The following SAP30L variants were observed in gnomAD, a reference collection of about 807,000 sequenced individuals.
SAP30L encodes the protein SAP30 like.
In SAP30L, 10 loss-of-function variants were observed where a neutral mutation model predicts 22.3. The observed-to-expected ratio is 0.45, with a 90% CI of 0.28 to 0.76. The LOEUF (loss-of-function observed/expected upper bound fraction) is 0.76. Ranked by LOEUF, SAP30L falls within the 30% of genes least tolerant of loss-of-function variation. The pLI is 0.14. For missense variants in SAP30L, 206 were observed against 237.9 expected, an observed-to-expected ratio of 0.87 and a Z score of 0.88; for synonymous variants, 91 against 94.1, an observed-to-expected ratio of 0.97 and a Z score of 0.19.
At chr5:154,453,044 T>C (rs936315639) in intron 2 of SAP30L, 3 of 194,374 alleles carry the variant, frequency 1.5e-5, no homozygotes, top group East Asian at 1.3e-4. Flanking sequence ...TTTAAATTCA[T>C]CACAGTTGCC....
In SAP30L at chr5:154,459,887, G is replaced by T. The variant is rs545148250; in HGVS notation, c.*3859G>T. ...AGAAAACAACGCTTCAGGACTTAAGGTCTAAGCGTCAGAGAAGTGCCGTAT... is the reference window on the plus strand; with the variant it reads ...AGAAAACAACGCTTCAGGACTTAAGTTCTAAGCGTCAGAGAAGTGCCGTAT... On this transcript the variant is annotated 3_prime_UTR_variant, in exon 4 of 4. Transcript: ENST00000297109. The T allele has an allele frequency of 1.3e-5, 2 of 152,308 alleles. No individual in the cohort carries two copies. The highest frequency in any genetic ancestry group is 2.9e-5 in the Non-Finnish European group (2 of 68,046). 9.4% of individuals were successfully genotyped at this position (152,308 alleles called of 1,614,324 possible).
In SAP30L at chr5:154,457,623, C is replaced by T. The variant is rs765785208; in HGVS notation, c.*1595C>T. ...GTGGAATGGGGACAGGGTCACCACGCTCACTAAAATGCAGTATGTTCCATT... is the reference window on the plus strand; with the variant it reads ...GTGGAATGGGGACAGGGTCACCACGTTCACTAAAATGCAGTATGTTCCATT... On this transcript the variant is annotated 3_prime_UTR_variant, in exon 4 of 4. Transcript: ENST00000297109. The T allele has an allele frequency of 6.6e-6, 1 of 152,232 alleles. No individual in the cohort carries two copies. Among genetic ancestry groups the T allele is most frequent in the South Asian group, 2.1e-4 (1 of 4,836 alleles). The allele number at this position is 152,232 out of a possible 1,614,324, so 9.4% of individuals were successfully genotyped here.
chr5:154,456,532 C>G lies in SAP30L; in HGVS notation c.*504C>G, dbSNP rs1757268737. On this transcript the variant is annotated 3_prime_UTR_variant, in exon 4 of 4. Coordinates refer to ENST00000297109, the MANE Select transcript of SAP30L (RefSeq NM_024632.6). ...ATCAGTTTGACACTGGTCCCCCTCA[C>G]TCACCCTGTGCCTTGTACACAGTAG... is the stretch of plus-strand genomic sequence containing the variant. 1 of 158,722 alleles carries G rather than the reference C, an allele frequency of 6.3e-6. No homozygotes were observed. Among genetic ancestry groups the G allele is most frequent in the African/African-American group, 2.4e-5 (1 of 41,504 alleles). 9.8% of individuals were successfully genotyped at this position (158,722 alleles called of 1,614,324 possible). A position where few individuals can be genotyped will look rare whatever the true frequency, so the allele number is the denominator to read the frequency against.
At position 154,456,213 on chromosome 5, in the gene SAP30L, T is replaced by A. The variant is rs766753475; in HGVS notation, c.*185T>A. On this transcript the variant is annotated 3_prime_UTR_variant, in exon 4 of 4. Transcript: ENST00000297109. ...ATTCAGCATGTGTATAGAAAGACTT[T>A]CTTTTACGATAACTCTGGACTAAAA... 46 of 474,118 alleles carry A rather than the reference T, an allele frequency of 9.7e-5. No homozygotes were observed. Among genetic ancestry groups the A allele is most frequent in the Middle Eastern group, 1.2e-3 (2 of 1,706 alleles). The allele number at this position is 474,118 out of a possible 1,614,324, so 29.4% of individuals were successfully genotyped here.
chr5:154,446,835 C>T (rs768212071), intron 1 of SAP30L, 30 bp downstream of exon 1: 39 of 1,568,286 alleles, frequency 2.5e-5, no homozygotes, highest in South Asian at 6.8e-5. Context: ...CGTCTGGGCC[C>T]CGGCGCCCCC....
chr5:154,447,499 C>T (rs1561699628), intron 1 of SAP30L, among the ~76,000 whole-genome samples: 1 of 152,198 alleles, frequency 6.6e-6, no homozygotes. Context: ...TAGGAAACTC[C>T]TCCCGTGTGA....
chr5:154,453,388 CCTCTT>C lies in SAP30L; in HGVS notation c.325-10_325-6del. On this transcript the variant is annotated splice_polypyrimidine_tract_variant and intron_variant, in intron 2 of 3. Coordinates refer to ENST00000297109, the MANE Select transcript of SAP30L (RefSeq NM_024632.6). ...GTCAGGTGATGGATAACATTTTTCT[CCTCTT>C]CTCCCTAGGTTGATCTGTTCCAGCT... 1 of 1,602,134 alleles carries C rather than the reference CCTCTT, an allele frequency of 6.2e-7. No homozygotes were observed. The highest frequency in any genetic ancestry group is 8.6e-7 in the Non-Finnish European group (1 of 1,169,558).
At chr5:154,446,901 G>A (rs907547699) in intron 1 of SAP30L, 96 bp downstream of exon 1, 4 of 1,059,848 alleles carry the variant, frequency 3.8e-6, no homozygotes, top group South Asian at 1.5e-5. Context: ...ACTCCCCGCC[G>A]TGGGCCTCGC....
In SAP30L at chr5:154,455,663, C is replaced by A. The variant is rs10214177; in HGVS notation, c.424-237C>A. Among the ~76,000 whole-genome samples, 1,015 of 152,026 alleles carry A rather than the reference C, an allele frequency of 6.7e-3. 8 individuals carry two copies. The highest frequency in any genetic ancestry group is 0.024 in the African/African-American group (981 of 41,330). On this transcript the variant is annotated intron_variant, in intron 3 of 3. Coordinates refer to ENST00000297109, the MANE Select transcript of SAP30L (RefSeq NM_024632.6). The stretch of plus-strand genomic sequence containing the variant: ...TGGCTGCCACTGAAATAGAACTGCA[C>A]CTTGGAAGAGTTGTAGGTTAAAAAG...
intron 2 of SAP30L, 53 bp from the exon 3 acceptor site, chr5:154,453,349 G>A (rs534180928): frequency 1.5e-6 from 2 of 1,290,382 alleles, no homozygotes; most frequent in Admixed American, 3.4e-5. Flanking sequence ...TGGGCTCTTG[G>A]TGAGTCCTGG....
intron 2 of SAP30L, among the ~76,000 whole-genome samples, chr5:154,452,240 C>G (rs539165560): frequency 6.6e-6 from 1 of 152,076 alleles, no homozygotes; most frequent in Admixed American, 6.5e-5. Context: ...AAAATCTGGC[C>G]CTTTCCCTCT....
intron 1 of SAP30L, among the ~76,000 whole-genome samples, chr5:154,447,969 C>CTTTTTTTTTTTTTTTTTTTTTTTTT (rs140213326): frequency 5.7e-5 from 5 of 88,374 alleles, no homozygotes; most frequent in African/African-American, 9.6e-5. Context: ...TTTTCTTTTT[C>CTTTTTTTTTTTTTTTTTTTTTTTTT]TTTTTTTTTT....
rs138144735 is a variant in SAP30L at position 154,449,913 on chromosome 5, G to C, written c.202-1178G>C. 5.9e-3 allele frequency among the ~76,000 whole-genome samples: 903 copies of C among 152,232 alleles called. 10 individuals are homozygous for C. Among genetic ancestry groups the C allele is most frequent in the African/African-American group, 0.021 (862 of 41,538 alleles). ...ACAGTATAAACTTAAAAGTACTTAT[G>C]ACTCACTAATCCAGCCACATGAAAG... On this transcript the variant is annotated intron_variant, in intron 1 of 3. Transcript: ENST00000297109.
chr5:154,454,045 T>C (rs74916389), intron 3 of SAP30L, among the ~76,000 whole-genome samples: 308 of 152,292 alleles, frequency 2.0e-3, no homozygotes, highest in African/African-American at 7.0e-3. Context: ...GTGATTCTCT[T>C]TGGCTCAAGC....
At chr5:154,447,969 C>CTTTTTTT (rs140213326) in intron 1 of SAP30L, among the ~76,000 whole-genome samples, 390 of 88,418 alleles carry the variant, frequency 4.4e-3, no homozygotes, top group African/African-American at 9.5e-3. Flanking sequence ...TTTTCTTTTT[C>CTTTTTTT]TTTTTTTTTT....
intron 3 of SAP30L, among the ~76,000 whole-genome samples, 172 bp from the exon 4 acceptor site, chr5:154,455,728 G>C (rs1359976462): frequency 3.3e-5 from 5 of 152,186 alleles, no homozygotes; most frequent in Non-Finnish European, 1.5e-5. Context: ...CTACATCCCT[G>C]GGGAGGAAGG....
intron 1 of SAP30L, among the ~76,000 whole-genome samples, chr5:154,447,375 T>C (rs1757042565): frequency 6.6e-6 from 1 of 152,236 alleles, no homozygotes; most frequent in South Asian, 2.1e-4. Context: ...TTGCAGTCGA[T>C]GTGACTGGAG....
chr5:154,450,940 G>A lies in SAP30L; in HGVS notation c.202-151G>A, dbSNP rs2113272440. On this transcript the variant is annotated intron_variant, in intron 1 of 3. Coordinates refer to ENST00000297109, the MANE Select transcript of SAP30L (RefSeq NM_024632.6). ...CATTCTCTTTGTGTTCTGCAACTCA[G>A]TAGTGAGCTTCTGGGAATGATGGCC... 3.7e-6 allele frequency: 3 copies of A among 806,528 alleles called. No homozygotes were observed. The Admixed American group carries it at 7.2e-5, about 19-fold the overall frequency. 50.0% of individuals were successfully genotyped at this position (806,528 alleles called of 1,614,324 possible).
intron 3 of SAP30L, among the ~76,000 whole-genome samples, chr5:154,454,098 G>C (rs372090373): frequency 6.6e-6 from 1 of 152,218 alleles, no homozygotes. Context: ...GATTACAGGC[G>C]TGAGCCACTG....
Sources: allele counts gnomAD v4.1 joint callset (sites outside exome capture counted in the v4.1 genomes callset), GRCh38; gene constraint gnomAD v4.1.1; transcripts MANE v1.5; gene names NCBI Gene and HGNC (gene_info 2026-07-23, HGNC 2026-07-21).